Variants in MLLT3 observed in about 807,000 individuals in gnomAD.
The protein encoded by MLLT3 is protein AF-9.
MLLT3 carries 4 observed loss-of-function variants against 53.2 expected under a neutral mutation model. The ratio of observed to expected loss-of-function variants is 0.08; its 90% CI spans 0.04 to 0.17. The LOEUF (loss-of-function observed/expected upper bound fraction) is 0.17. MLLT3 is among the 10% of genes least tolerant of loss of function. MLLT3 has a pLI of 1.00. For synonymous variants in MLLT3, 283 were observed against 230.6 expected (o/e 1.23, Z -2.06); for missense variants, 569 against 684.0 (o/e 0.83, Z 1.87).
intron 5 of MLLT3, among the ~76,000 whole-genome samples, chr9:20,393,281 C>CA (rs1252998285): frequency 1.3e-5 from 2 of 152,140 alleles, no homozygotes; most frequent in Non-Finnish European, 2.9e-5. Flanking sequence ...CAGTCTTTTC[C>CA]AAATGTTCCT....
At chr9:20,571,575 T>C (rs753348652) in intron 2 of MLLT3, among the ~76,000 whole-genome samples, 77 of 152,168 alleles carry the variant, frequency 5.1e-4, no homozygotes, top group Non-Finnish European at 9.7e-4. Flanking sequence ...TTTCTCCTAA[T>C]GCTATCCCTC....
intron 2 of MLLT3, among the ~76,000 whole-genome samples, chr9:20,601,983 G>C (rs1238300804): frequency 6.6e-6 from 1 of 151,962 alleles, no homozygotes; most frequent in African/African-American, 2.4e-5. Context: ...CTTTTCTTGG[G>C]GCACTGCTGA....
At chr9:20,594,345 C>A (rs1310363813) in intron 2 of MLLT3, among the ~76,000 whole-genome samples, 4 of 152,142 alleles carry the variant, frequency 2.6e-5, no homozygotes, top group Non-Finnish European at 1.5e-5. Context: ...TCTGACTGAG[C>A]TCCTCTCTAC....
chr9:20,565,528 G>T (rs180804774), intron 2 of MLLT3, among the ~76,000 whole-genome samples: 105 of 152,092 alleles, frequency 6.9e-4, no homozygotes, highest in Non-Finnish European at 1.3e-3. Flanking sequence ...AATACACACT[G>T]CTAGGTAATT....
At chr9:20,370,039 A>G (rs1323932778) in intron 5 of MLLT3, among the ~76,000 whole-genome samples, 2 of 152,142 alleles carry the variant, frequency 1.3e-5, no homozygotes, top group Non-Finnish European at 2.9e-5. Flanking sequence ...ATGTTTTACT[A>G]CTTCTTGCTG....
chr9:20,502,910 G>C (rs955600176), intron 2 of MLLT3, among the ~76,000 whole-genome samples: 2 of 152,128 alleles, frequency 1.3e-5, no homozygotes, highest in Non-Finnish European at 2.9e-5. Flanking sequence ...TGCTAACAAT[G>C]AGCTATCTGA....
rs547042221 is a variant in MLLT3 at position 20,497,313 on chromosome 9, T to C, written c.194-40527A>G. Among the ~76,000 whole-genome samples, 21 of 152,294 alleles carry C rather than the reference T, an allele frequency of 1.4e-4. No individual in the cohort carries two copies. The South Asian group carries it at 4.1e-3, about 30-fold the overall frequency. On this transcript the variant is annotated intron_variant, in intron 2 of 10. Coordinates refer to ENST00000380338, the MANE Select transcript of MLLT3 (RefSeq NM_004529.4). ...ACCACAATTGACATTAAAAATCACA[T>C]ATTTAAAGTAATACAATTTGATATG...
chr9:20,422,871 G>A (rs972611518), intron 4 of MLLT3, among the ~76,000 whole-genome samples: 1 of 152,094 alleles, frequency 6.6e-6, no homozygotes, highest in African/African-American at 2.4e-5. Context: ...TGGTGGCAGC[G>A]GTAATAGCTT....
At chr9:20,439,197 A>T (rs552994586) in intron 4 of MLLT3, among the ~76,000 whole-genome samples, 35 of 152,210 alleles carry the variant, frequency 2.3e-4, no homozygotes, top group African/African-American at 8.4e-4. Flanking sequence ...CTACCAAAAA[A>T]ATACAAAAAT....
Position 20,374,804 on chromosome 9 carries a change from T to C in MLLT3, c.1126-9060A>G, listed in dbSNP as rs537555717. Among the ~76,000 whole-genome samples, 4 of 152,268 alleles carry C rather than the reference T, an allele frequency of 2.6e-5. No individual in the cohort carries two copies. The South Asian group carries it at 8.3e-4, about 32-fold the overall frequency. On this transcript the variant is annotated intron_variant, in intron 5 of 10. Coordinates refer to ENST00000380338, the MANE Select transcript of MLLT3 (RefSeq NM_004529.4). Reference sequence around the variant, plus strand: ...TTCATTTGCACTACCACTAGTAAGGTGAGTGATAGGAATTATGCCCCCTCT... The same window carrying C: ...TTCATTTGCACTACCACTAGTAAGGCGAGTGATAGGAATTATGCCCCCTCT...
chr9:20,362,758 A>T (rs1392547612), intron 7 of MLLT3: 1 of 135,626 alleles, frequency 7.4e-6, no homozygotes, highest in Non-Finnish European at 1.5e-5. Context: ...ATAGTAATGG[A>T]TAACAGGGAA....
At chr9:20,575,246 T>C (rs920113680) in intron 2 of MLLT3, among the ~76,000 whole-genome samples, 2 of 152,192 alleles carry the variant, frequency 1.3e-5, no homozygotes, top group Admixed American at 6.5e-5. Context: ...ATGTTCTTAA[T>C]AGTATCTAGA....
At chr9:20,404,605 A>G (rs1283405719) in intron 5 of MLLT3, among the ~76,000 whole-genome samples, 4 of 152,202 alleles carry the variant, frequency 2.6e-5, no homozygotes, top group Admixed American at 2.6e-4. Flanking sequence ...CCTGAGTTCA[A>G]GCAGTCCTTC....
rs1417248539 is a variant in MLLT3 at position 20,620,120 on chromosome 9, C to T, written c.193+534G>A. 1.3e-5 allele frequency among the ~76,000 whole-genome samples: 2 copies of T among 152,108 alleles called. No homozygotes were observed. Among genetic ancestry groups the T allele is most frequent in the East Asian group, 3.9e-4 (2 of 5,180 alleles). The stretch of plus-strand genomic sequence containing the variant: ...AAAAAGAAAAGTCTATGGCAACTGG[C>T]ACCTGGTGCCTCATACACAGACAGG... On this transcript the variant is annotated intron_variant, in intron 2 of 10. Transcript: ENST00000380338. This position sits in a 1 kb window ranked among gnomAD's most constrained non-coding sequence, Gnocchi z 6.1.
At chr9:20,437,177 C>T (rs1353053876) in intron 4 of MLLT3, among the ~76,000 whole-genome samples, 2 of 152,126 alleles carry the variant, frequency 1.3e-5, no homozygotes, top group African/African-American at 2.4e-5. Context: ...TACTACACAT[C>T]TCAATTTCTA....
At chr9:20,530,872 C>A (rs946580430) in intron 2 of MLLT3, among the ~76,000 whole-genome samples, 2 of 152,128 alleles carry the variant, frequency 1.3e-5, no homozygotes, top group Admixed American at 1.3e-4. Context: ...CTCAAGTGAT[C>A]GGCCCACCTT....
At chr9:20,352,897 T>C (rs1321323993) in intron 10 of MLLT3, among the ~76,000 whole-genome samples, 5 of 152,072 alleles carry the variant, frequency 3.3e-5, no homozygotes, top group African/African-American at 9.7e-5. Flanking sequence ...TAGCTGCTGG[T>C]AGTGCAACAG....
intron 5 of MLLT3, among the ~76,000 whole-genome samples, chr9:20,393,621 T>G (rs868121677): frequency 1.3e-5 from 2 of 152,216 alleles, no homozygotes; most frequent in African/African-American, 4.8e-5. Flanking sequence ...CTGAAGACTG[T>G]AAATATGTGC....
chr9:20,439,672 A>G (rs1410883779), intron 4 of MLLT3, among the ~76,000 whole-genome samples: 1 of 152,166 alleles, frequency 6.6e-6, no homozygotes. Context: ...GTTTATATCA[A>G]TCCTCTGAAG....
Sources: allele counts gnomAD v4.1 joint callset (sites outside exome capture counted in the v4.1 genomes callset), GRCh38; gene constraint gnomAD v4.1.1; non-coding constraint Gnocchi (gnomAD v3.1); transcripts MANE v1.5; gene names NCBI Gene and HGNC (gene_info 2026-07-23, HGNC 2026-07-21).